MUCL1: variants seen among roughly 807,000 people sequenced by gnomAD.
The protein encoded by MUCL1 is mucin like 1, also known as mucin-like protein 1.
In MUCL1, 11 loss-of-function variants were observed where a neutral mutation model predicts 9.2. The observed-to-expected ratio is 1.19, with a 90% CI of 0.75 to 1.97. The LOEUF is 1.97. Ranked by LOEUF, MUCL1 falls within the 30% of genes most tolerant of loss-of-function variation. The probability of loss-of-function intolerance (pLI) is 0.00; values close to 1 mark genes in which losing one functional copy is unlikely to be tolerated. For missense variants in MUCL1, 144 were observed against 110.9 expected (o/e 1.30, Z -1.34); for synonymous variants, 48 against 40.5 (o/e 1.19, Z -0.71).
upstream of MUCL1, among the ~76,000 whole-genome samples, chr12:54,854,317 G>C (rs1868281066): frequency 6.6e-6 from 1 of 152,150 alleles, no homozygotes; most frequent in Non-Finnish European, 1.5e-5. Flanking sequence ...TTTAACATGA[G>C]AGACTCGAAT....
At chr12:54,852,335 C>T (rs150860718), upstream of MUCL1, among the ~76,000 whole-genome samples, 1,124 of 152,132 alleles carry the variant, frequency 7.4e-3, 17 homozygotes, top group African/African-American at 0.026. Context: ...CAGAACAGAG[C>T]CCTCAGAAAT....
chr12:54,846,193 A>C (rs1356569982), intron 1 of MUCL1, among the ~76,000 whole-genome samples: 5 of 152,254 alleles, frequency 3.3e-5, no homozygotes, highest in African/African-American at 1.2e-4. Context: ...GGTTAACACA[A>C]GCCGTCTGCA....
upstream of MUCL1, among the ~76,000 whole-genome samples, chr12:54,835,065 G>T (rs1959190652): frequency 6.6e-6 from 1 of 152,086 alleles, no homozygotes; most frequent in South Asian, 2.1e-4. Flanking sequence ...CAAGTTGCTA[G>T]TTGCTGCAAA....
chr12:54,847,625 A>G (rs1959275793), intron 1 of MUCL1, among the ~76,000 whole-genome samples: 2 of 152,208 alleles, frequency 1.3e-5, no homozygotes. Flanking sequence ...CAACAAAACA[A>G]AACAACAAAA....
intron 1 of MUCL1, among the ~76,000 whole-genome samples, chr12:54,848,008 C>G (rs1222218604): frequency 6.8e-6 from 1 of 147,138 alleles, no homozygotes; most frequent in Non-Finnish European, 1.5e-5. Context: ...CATCCTAGGA[C>G]TTCCCTTCAT....
intron 1 of MUCL1, among the ~76,000 whole-genome samples, chr12:54,846,923 A>T (rs935617979): frequency 2.0e-5 from 3 of 152,180 alleles, no homozygotes; most frequent in Non-Finnish European, 4.4e-5. Flanking sequence ...GCAATAAAAC[A>T]TTCCTGTACC....
At chr12:54,857,168 C>T (rs146963141) in intron 3 of MUCL1, among the ~76,000 whole-genome samples, 2 of 151,188 alleles carry the variant, frequency 1.3e-5, no homozygotes, top group African/African-American at 4.9e-5. Context: ...ATTGGAAAGA[C>T]CAAAATAAGT....
rs529849549 is a variant in MUCL1, at chr12:54,845,794, T to G, written c.43+6347T>G. 4.6e-5 allele frequency among the ~76,000 whole-genome samples: 7 copies of G among 152,308 alleles called. No homozygotes were observed. The South Asian group carries it at 1.2e-3, about 27-fold the overall frequency. ...TTTAGTGTATGTTTTAGCCAAAATT[T>G]TCTTACATACCTACAGTACAGTTTT... On this transcript the variant is annotated intron_variant, in intron 1 of 3. Coordinates refer to the MUCL1 transcript ENST00000546809.
At chr12:54,833,000 T>C (rs1330660856) in intron 1 of MUCL1, among the ~76,000 whole-genome samples, 1 of 152,070 alleles carries the variant, frequency 6.6e-6, no homozygotes, top group Non-Finnish European at 1.5e-5. Flanking sequence ...TTAACCTGGA[T>C]TTATATTATG....
upstream of MUCL1, among the ~76,000 whole-genome samples, chr12:54,854,129 A>T (rs1309515471): frequency 6.6e-6 from 1 of 152,132 alleles, no homozygotes; most frequent in African/African-American, 2.4e-5. Context: ...CCCTAGGGGG[A>T]GACAGAGGTC....
chr12:54,854,608 T>C lies in MUCL1; in HGVS notation c.26T>C (p.Leu9Pro), dbSNP rs775818851. The change falls in exon 1 of 4, where the codon CTC (leucine) becomes CCC (proline). Residue 9 changes from leucine to proline, a missense_variant. Physicochemically the swap from Leu to Pro is moderately conservative, Grantham distance 98. Transcript: ENST00000308796. ...ATGAAGTTCTTAGCAGTCCTGGTAC[T>C]CTTGGGAGTTTCCATCTTTCTGGTC... MKFLAVLV[L>P]LGVSIFLVSA... The C allele has an allele frequency of 2.8e-5, 45 of 1,613,458 alleles. No homozygotes were observed. The highest frequency in any genetic ancestry group is 3.6e-5 in the Non-Finnish European group (43 of 1,179,660).
At chr12:54,856,932 C>T (rs1212608380) in intron 3 of MUCL1, 40 bp downstream of exon 3, 8 of 1,611,934 alleles carry the variant, frequency 5.0e-6, no homozygotes, top group East Asian at 2.2e-5. Context: ...CTTTATGTGG[C>T]TCCTTGATTC....
chr12:54,852,628 T>A (rs192422612), upstream of MUCL1, among the ~76,000 whole-genome samples: 193 of 152,304 alleles, frequency 1.3e-3, 2 homozygotes, highest in African/African-American at 4.5e-3. Context: ...ATGTTTAATC[T>A]TTTTTTCTTA....
Position 54,840,472 on chromosome 12 carries a change from C to G in MUCL1, c.43+1025C>G, listed in dbSNP as rs116134687. Among the ~76,000 whole-genome samples, 1,163 of 152,308 alleles carry G rather than the reference C, an allele frequency of 7.6e-3. 17 individuals carry two copies. Among genetic ancestry groups the G allele is most frequent in the African/African-American group, 0.027 (1,122 of 41,564 alleles). ...GTTGGCCTCTAGCCAGGAGGTGGCA[C>G]TTGCAAAAGAGCTCAGCTGTGGTGG... On this transcript the variant is annotated intron_variant, in intron 1 of 3. Coordinates refer to the MUCL1 transcript ENST00000546809.
chr12:54,844,267 G>A (rs965540661), intron 1 of MUCL1, among the ~76,000 whole-genome samples: 3 of 152,078 alleles, frequency 2.0e-5, no homozygotes, highest in Admixed American at 6.6e-5. Flanking sequence ...GGGGGATAAT[G>A]TATTATGAAT....
intron 1 of MUCL1, among the ~76,000 whole-genome samples, chr12:54,846,592 T>A (rs909593817): frequency 1.3e-5 from 2 of 152,118 alleles, no homozygotes; most frequent in Admixed American, 6.6e-5. Flanking sequence ...GTGAGTGGGA[T>A]GAGCCATGAC....
intron 3 of MUCL1, among the ~76,000 whole-genome samples, chr12:54,857,897 C>A (rs1868312692): frequency 6.6e-6 from 1 of 152,064 alleles, no homozygotes; most frequent in Non-Finnish European, 1.5e-5. Flanking sequence ...TTCTCTCTTA[C>A]CAGAAGAAGG....
chr12:54,838,832 G>A (rs1959198488), upstream of MUCL1, among the ~76,000 whole-genome samples: 1 of 151,812 alleles, frequency 6.6e-6, no homozygotes, highest in Non-Finnish European at 1.5e-5. Flanking sequence ...ATCCTGAATT[G>A]TTTTTTAAAT....
intron 1 of MUCL1, among the ~76,000 whole-genome samples, chr12:54,841,704 A>G (rs988013281): frequency 1.6e-4 from 25 of 151,932 alleles, no homozygotes; most frequent in Admixed American, 6.6e-4. Flanking sequence ...TAGTATTTTT[A>G]GTTGTTGATT....
Sources: gnomAD v4.1 joint callset for allele counts (sites outside exome capture counted in the v4.1 genomes callset) on GRCh38, gnomAD v4.1.1 for gene constraint, MANE v1.5 for transcripts, NCBI Gene and HGNC (gene_info 2026-07-23, HGNC 2026-07-21) for gene names.